The following WWOX variants were observed in gnomAD, a reference collection of about 807,000 sequenced individuals.
WWOX encodes WW domain containing oxidoreductase.
WWOX carries 69 observed loss-of-function variants against 46.2 expected under a neutral mutation model. The observed-to-expected ratio is 1.49, with a 90% confidence interval of 1.23 to 1.82. The LOEUF is 1.82. Among genes scored for constraint, WWOX ranks in the 40% most tolerant of loss-of-function variants. The pLI, the probability that WWOX is intolerant of heterozygous loss-of-function variation, is 0.00. For missense variants in WWOX, 919 were observed against 542.6 expected, an observed-to-expected ratio of 1.69 and a Z score of -6.89; for synonymous variants, 359 against 202.6, an observed-to-expected ratio of 1.77 and a Z score of -6.56.
rs60393431 is a variant in WWOX at position 78,266,788 on chromosome 16, T to TTCTCTCTCTCTCTCTCTCTCTCTC, written c.516+102513_516+102536dup. Among the ~76,000 whole-genome samples, 816 of 115,548 alleles carry TTCTCTCTCTCTCTCTCTCTCTCTC rather than the reference T, an allele frequency of 7.1e-3. 41 individuals are homozygous for TTCTCTCTCTCTCTCTCTCTCTCTC. The highest frequency in any genetic ancestry group is 0.01 in the Admixed American group (104 of 10,020). 75.8% of individuals were successfully genotyped at this position (115,548 alleles called of 152,430 possible). A position where few individuals can be genotyped will look rare whatever the true frequency, so the allele number is the denominator to read the frequency against. ...GATAAATGCAAGTTCTATTCTTCTATTCTCTCTCTCTCTCTCTCTCTCTCT... is the reference window on the plus strand; with the variant it reads ...GATAAATGCAAGTTCTATTCTTCTATTCTCTCTCTCTCTCTCTCTCTCTCTCTCTCTCTCTCTCTCTCTCTCTCT... On this transcript the variant is annotated intron_variant, in intron 5 of 8. Coordinates refer to ENST00000566780, the MANE Select transcript of WWOX (RefSeq NM_016373.4).
In WWOX at chr16:78,469,897, G is replaced by A. The variant is rs551855617; in HGVS notation, c.1056+37145G>A. ...GATATCTGTAACCTGGGATTAGATA[G>A]AGCCAATAAGATGTAACTGAAATTC... On this transcript the variant is annotated intron_variant, in intron 8 of 8. Transcript: ENST00000566780. Among the ~76,000 whole-genome samples the A allele has an allele frequency of 5.3e-5, 8 of 152,360 alleles. No homozygotes were observed. The South Asian group carries it at 1.2e-3, about 24-fold the overall frequency.
At chr16:78,393,355 C>T (rs1049291147) in intron 6 of WWOX, among the ~76,000 whole-genome samples, 1 of 152,098 alleles carries the variant, frequency 6.6e-6, no homozygotes, top group Non-Finnish European at 1.5e-5. Context: ...AATACTTTTT[C>T]TTCTTCAAAA....
chr16:78,554,008 C>CA (rs974281739), intron 8 of WWOX, among the ~76,000 whole-genome samples: 1 of 152,040 alleles, frequency 6.6e-6, no homozygotes, highest in African/African-American at 2.4e-5. Context: ...CTGAGGGCAT[C>CA]AAACACGCCG....
At chr16:78,741,116 A>G (rs2049214880) in intron 8 of WWOX, among the ~76,000 whole-genome samples, 1 of 152,198 alleles carries the variant, frequency 6.6e-6, no homozygotes, top group Non-Finnish European at 1.5e-5. Flanking sequence ...CTGTTAGGTT[A>G]GGAACTGCCT....
At chr16:78,557,362 G>A (rs929509729) in intron 8 of WWOX, among the ~76,000 whole-genome samples, 7 of 152,100 alleles carry the variant, frequency 4.6e-5, no homozygotes, top group Admixed American at 6.5e-5. Flanking sequence ...CCCCCGCACC[G>A]GGCTCTTGGG....
At chr16:78,897,614 G>A (rs1308333134) in intron 8 of WWOX, 1 of 152,094 alleles carries the variant, frequency 6.6e-6, no homozygotes, top group Non-Finnish European at 1.5e-5. Flanking sequence ...TGGCTATTAT[G>A]AATAAAGCTA....
chr16:79,189,272 T>C (rs2051081006), intron 8 of WWOX, among the ~76,000 whole-genome samples: 1 of 152,114 alleles, frequency 6.6e-6, no homozygotes, highest in Non-Finnish European at 1.5e-5. Context: ...TTTTTGTTTT[T>C]TCTGAGACAG....
intron 5 of WWOX, among the ~76,000 whole-genome samples, chr16:78,241,405 T>C (rs185331899): frequency 1.1e-4 from 16 of 152,252 alleles, no homozygotes; most frequent in African/African-American, 3.6e-4. Context: ...ATGATTGTGG[T>C]TGCTGTTGCT....
chr16:78,970,273 C>G lies in WWOX; in HGVS notation c.1057-241335C>G, dbSNP rs563269750. Among the ~76,000 whole-genome samples the G allele has an allele frequency of 8.5e-5, 13 of 152,274 alleles. No homozygotes were observed. In the South Asian group the frequency reaches 1.7e-3, roughly 19 times the overall value. Reference sequence around the variant, plus strand: ...TTAGAGACTCAGATTTATCCCTGCCCGAATCATTTTCTTTGATTCTCTGCC... The same window carrying G: ...TTAGAGACTCAGATTTATCCCTGCCGGAATCATTTTCTTTGATTCTCTGCC... On this transcript the variant is annotated intron_variant, in intron 8 of 8. Coordinates refer to ENST00000566780, the MANE Select transcript of WWOX (RefSeq NM_016373.4).
chr16:78,893,216 C>A (rs1382242439), intron 8 of WWOX, among the ~76,000 whole-genome samples: 1 of 151,996 alleles, frequency 6.6e-6, no homozygotes, highest in Non-Finnish European at 1.5e-5. Flanking sequence ...GTGGGGATGC[C>A]CCTCTTGACC....
At chr16:79,087,554 C>A (rs1446116227) in intron 8 of WWOX, among the ~76,000 whole-genome samples, 2 of 152,282 alleles carry the variant, frequency 1.3e-5, no homozygotes, top group Admixed American at 6.5e-5. Flanking sequence ...CAGGAGAAAG[C>A]CAGAGCAAGA....
At chr16:78,175,637 C>G (rs2035319085) in intron 5 of WWOX, among the ~76,000 whole-genome samples, 1 of 152,190 alleles carries the variant, frequency 6.6e-6, no homozygotes, top group Admixed American at 6.5e-5. Flanking sequence ...ATCCTCCAGC[C>G]CAGTCAAGCC....
chr16:78,875,437 T>C (rs1338640300), intron 8 of WWOX, among the ~76,000 whole-genome samples: 1 of 152,224 alleles, frequency 6.6e-6, no homozygotes, highest in Non-Finnish European at 1.5e-5. Flanking sequence ...TCTGCCTGGC[T>C]AGAATGATTA....
rs1430455893 is a variant in WWOX at position 78,294,985 on chromosome 16, G to A, written c.517-91875G>A. Among the ~76,000 whole-genome samples, 17 of 152,294 alleles carry A rather than the reference G, an allele frequency of 1.1e-4. No homozygotes were observed. In the East Asian group the frequency reaches 3.3e-3, roughly 29 times the overall value. On this transcript the variant is annotated intron_variant, in intron 5 of 8. Coordinates refer to ENST00000566780, the MANE Select transcript of WWOX (RefSeq NM_016373.4). ...TTTGGATTTCACACAAAGGCTCTAA[G>A]GTCTCCTGGTAGGCCATGCTCAGAA...
chr16:79,174,027 T>G (rs2050752106), intron 8 of WWOX, among the ~76,000 whole-genome samples: 1 of 152,226 alleles, frequency 6.6e-6, no homozygotes, highest in East Asian at 1.9e-4. Flanking sequence ...ATACTGTATT[T>G]TCAAGATACG....
chr16:78,542,931 C>T (rs1310241916), intron 8 of WWOX, among the ~76,000 whole-genome samples: 1 of 152,120 alleles, frequency 6.6e-6, no homozygotes, highest in Admixed American at 6.5e-5. Flanking sequence ...TAGCCAGAAC[C>T]AATAGAAAAA....
Position 79,211,983 on chromosome 16 carries a change from T to TAAAGC in WWOX, c.*188_*189insAAGCA, listed in dbSNP as rs758252714. On this transcript the variant is annotated 3_prime_UTR_variant, in exon 9 of 9. Coordinates refer to ENST00000566780, the MANE Select transcript of WWOX (RefSeq NM_016373.4). ...GAAGCAGGGAATTCCTGGGGTAAAGTATCACTTTTCTGGGGCTGGGCTAGG... is the reference window on the plus strand; with the variant it reads ...GAAGCAGGGAATTCCTGGGGTAAAGTAAAGCATCACTTTTCTGGGGCTGGGCTAGG... 2.4e-5 allele frequency: 37 copies of TAAAGC among 1,536,130 alleles called. No individual in the cohort carries two copies. Among genetic ancestry groups the TAAAGC allele is most frequent in the Non-Finnish European group, 3.1e-5 (35 of 1,146,862 alleles).
intron 6 of WWOX, among the ~76,000 whole-genome samples, chr16:78,404,909 C>A (rs1038280326): frequency 2.6e-5 from 4 of 152,162 alleles, no homozygotes; most frequent in African/African-American, 7.2e-5. Context: ...AGGAATGAGA[C>A]CTGCATGTCA....
intron 4 of WWOX, among the ~76,000 whole-genome samples, chr16:78,131,580 A>T (rs897805658): frequency 1.1e-4 from 17 of 151,466 alleles, no homozygotes; most frequent in African/African-American, 3.9e-4. Flanking sequence ...GGATACTAAA[A>T]TGTTTTTTTT....
Sources: allele counts gnomAD v4.1 joint callset (sites outside exome capture counted in the v4.1 genomes callset), GRCh38; gene constraint gnomAD v4.1.1; transcripts MANE v1.5; gene names NCBI Gene and HGNC (gene_info 2026-07-23, HGNC 2026-07-21).